PCDHGA8: variants seen among roughly 807,000 people sequenced by gnomAD.
The protein encoded by PCDHGA8 is protocadherin gamma-A8.
In PCDHGA8, 45 loss-of-function variants were observed where a neutral mutation model predicts 59.2. The ratio of observed to expected loss-of-function variants is 0.76; its 90% CI spans 0.60 to 0.98. The LOEUF (loss-of-function observed/expected upper bound fraction) is 0.98, where lower values mean the gene tolerates loss of function less well. PCDHGA8 is among the 50% of genes least tolerant of loss of function. The pLI is 0.00. For missense variants in PCDHGA8, 1,257 were observed against 1,196.2 expected, an observed-to-expected ratio of 1.05 and a Z score of -0.75; for synonymous variants, 531 against 519.0, an observed-to-expected ratio of 1.02 and a Z score of -0.32.
Position 141,409,086 on chromosome 5 carries a change from A to G in PCDHGA8, c.2424+13849A>G, listed in dbSNP as rs1019017199. 6.8e-6 allele frequency: 11 copies of G among 1,613,904 alleles called. No homozygotes were observed. Among genetic ancestry groups the G allele is most frequent in the African/African-American group, 5.3e-5 (4 of 74,932 alleles). On this transcript the variant is annotated intron_variant, in intron 1 of 3. Transcript: ENST00000398604. ...AGCACAAAACATATGTTCTCATTGG[A>G]TGAGAAAACAGGTATGATTAAGAAT... is the stretch of plus-strand genomic sequence containing the variant.
chr5:141,423,877 C>A, intron 1 of PCDHGA8: 1 of 1,283,890 alleles, frequency 7.8e-7, no homozygotes, highest in Non-Finnish European at 9.9e-7. Flanking sequence ...ATTTTTCAAT[C>A]TTGGCATATT....
intron 1 of PCDHGA8, among the ~76,000 whole-genome samples, chr5:141,460,983 G>GTA (rs59296681): frequency 9.4e-4 from 130 of 137,840 alleles, no homozygotes; most frequent in Middle Eastern, 3.8e-3. Context: ...GTGTGTGTGT[G>GTA]TATATATATA....
chr5:141,457,159 T>C (rs908257499), intron 1 of PCDHGA8, among the ~76,000 whole-genome samples: 5 of 152,212 alleles, frequency 3.3e-5, no homozygotes, highest in Non-Finnish European at 7.3e-5. Flanking sequence ...GGTGCTACCA[T>C]GGATAACCCT....
At position 141,409,702 on chromosome 5, in the gene PCDHGA8, G is replaced by T. The variant is rs545411022; in HGVS notation, c.2424+14465G>T. The T allele has an allele frequency of 1.9e-6, 3 of 1,613,226 alleles. No individual in the cohort carries two copies. The East Asian group carries it at 6.7e-5, about 36-fold the overall frequency. ...TGGCGAGTGACCTAGAGCCCCTGGC[G>T]GTGTCGTCATACGTGTCAGTGAGCG... On this transcript the variant is annotated intron_variant, in intron 1 of 3. Coordinates refer to ENST00000398604, the MANE Select transcript of PCDHGA8 (RefSeq NM_032088.2).
chr5:141,417,785 A>C (rs1273908599), intron 1 of PCDHGA8: 22 of 1,476,018 alleles, frequency 1.5e-5, no homozygotes, highest in Non-Finnish European at 1.7e-5. Context: ...TCCTGGGCCG[A>C]ATGCTCTTTT....
In PCDHGA8 at chr5:141,487,414, T is replaced by C; in HGVS notation, c.2425-7393T>C. On this transcript the variant is annotated intron_variant, in intron 1 of 3. Coordinates refer to ENST00000398604, the MANE Select transcript of PCDHGA8 (RefSeq NM_032088.2). This position sits in a 1 kb window ranked among gnomAD's most constrained non-coding sequence, Gnocchi z 5.0. The stretch of plus-strand genomic sequence containing the variant: ...GGAGGGAGGGGCTTCCCCCTTCCAA[T>C]GGGATCCTCCGAATCCAGCTAGGGT... 3.7e-6 allele frequency: 6 copies of C among 1,614,174 alleles called. No individual in the cohort carries two copies. The highest frequency in any genetic ancestry group is 5.1e-6 in the Non-Finnish European group (6 of 1,180,006).
In PCDHGA8 at chr5:141,477,229, C is replaced by G. The variant is rs1376731101; in HGVS notation, c.2425-17578C>G. The G allele has an allele frequency of 6.2e-7, 1 of 1,614,222 alleles. No homozygotes were observed. The highest frequency in any genetic ancestry group is 8.5e-7 in the Non-Finnish European group (1 of 1,180,052). On this transcript the variant is annotated intron_variant, in intron 1 of 3. Transcript: ENST00000398604. This position sits in a 1 kb window ranked among gnomAD's most constrained non-coding sequence, Gnocchi z 4.9. ...AGGATGCCCCTCTGGGGACTGTCAT[C>G]GCTTTGCTCAGTGTGACTGACCTGG...
chr5:141,431,227 C>A lies in PCDHGA8; in HGVS notation c.2424+35990C>A, dbSNP rs759752051. On this transcript the variant is annotated intron_variant, in intron 1 of 3. Transcript: ENST00000398604. This position sits in a 1 kb window ranked among gnomAD's most constrained non-coding sequence, Gnocchi z 4.8. Reference sequence around the variant, plus strand: ...CTGAGATGCGGTTCCCTCTACCCCACGCCTGGGATCCGGATATCGGGAAGA... The same window carrying A: ...CTGAGATGCGGTTCCCTCTACCCCAAGCCTGGGATCCGGATATCGGGAAGA... 6.2e-7 allele frequency: 1 copy of A among 1,614,180 alleles called. No homozygotes were observed. The highest frequency in any genetic ancestry group is 8.5e-7 in the Non-Finnish European group (1 of 1,180,042).
intron 1 of PCDHGA8, chr5:141,399,694 A>G (rs1467163302): frequency 1.9e-6 from 3 of 1,613,454 alleles, no homozygotes; most frequent in Admixed American, 1.7e-5. Flanking sequence ...GCAGCTGCGC[A>G]CCTTCGAACT....
chr5:141,415,404 C>A lies in PCDHGA8; in HGVS notation c.2424+20167C>A, dbSNP rs199662613. On this transcript the variant is annotated intron_variant, in intron 1 of 3. Transcript: ENST00000398604. ...GCTTGACAGGTGTGTCCGGCTCGCA[C>A]TTTGTGGGCGTGGACGGGGTTCGGG... The A allele has an allele frequency of 2.2e-4, 363 of 1,614,238 alleles. 1 individual carries two copies. Among genetic ancestry groups the A allele is most frequent in the Non-Finnish European group, 6.8e-6 (8 of 1,180,048 alleles).
chr5:141,398,125 G>C (rs1353004584), intron 1 of PCDHGA8: 1 of 1,586,808 alleles, frequency 6.3e-7, no homozygotes. Flanking sequence ...GAGAGCAAGA[G>C]GGATGGGGAG....
At chr5:141,410,676 T>G in intron 1 of PCDHGA8, 1 of 1,550,692 alleles carries the variant, frequency 6.4e-7, no homozygotes, top group African/African-American at 1.4e-5. Flanking sequence ...TTTCTCATAT[T>G]TTAGGCATAC....
In PCDHGA8 at chr5:141,393,708, G is replaced by A; in HGVS notation, c.895G>A (p.Gly299Arg). 2 of 1,613,788 alleles carry A rather than the reference G, an allele frequency of 1.2e-6. No individual in the cohort carries two copies. Among genetic ancestry groups the A allele is most frequent in the South Asian group, 1.1e-5 (1 of 91,074 alleles). Residue 299 changes from glycine to arginine, a missense_variant, in exon 1 of 4, where the codon GGG (glycine) becomes AGG (arginine). Physicochemically the swap from Gly to Arg is moderately radical, Grantham distance 125. Transcript: ENST00000398604. ...TPLFQLNENT[G>R]EISIAKSLDY... ...GTTATTCCAGCTTAATGAAAATACTGGGGAAATATCAATAGCAAAAAGTCT... is the reference window on the plus strand; with the variant it reads ...GTTATTCCAGCTTAATGAAAATACTAGGGAAATATCAATAGCAAAAAGTCT...
rs2095763034 is a variant in PCDHGA8, at chr5:141,414,586, A to G, written c.2424+19349A>G. 1.2e-6 allele frequency: 2 copies of G among 1,613,964 alleles called. No individual in the cohort carries two copies. The highest frequency in any genetic ancestry group is 8.5e-7 in the Non-Finnish European group (1 of 1,179,880). On this transcript the variant is annotated intron_variant, in intron 1 of 3. Transcript: ENST00000398604. ...TACCTATATCCCAGAGAACAACGCC[A>G]GGGGTGCCTCCATCTTCTCAGTGAC...
chr5:141,408,112 C>T, intron 1 of PCDHGA8: 1 of 1,460,448 alleles, frequency 6.8e-7, no homozygotes, highest in African/African-American at 1.4e-5. Flanking sequence ...CCCGGGACTC[C>T]TCCTGTCCTG....
chr5:141,400,727 G>A (rs2094067426), intron 1 of PCDHGA8: 2 of 649,836 alleles, frequency 3.1e-6, no homozygotes, highest in African/African-American at 1.8e-5. Flanking sequence ...GATTTACAAA[G>A]TAGTGAGAGT....
In PCDHGA8 at chr5:141,405,345, A is replaced by G. The variant is rs758657243; in HGVS notation, c.2424+10108A>G. 3 of 1,613,944 alleles carry G rather than the reference A, an allele frequency of 1.9e-6. No homozygotes were observed. In the South Asian group the frequency reaches 3.3e-5, roughly 18 times the overall value. On this transcript the variant is annotated intron_variant, in intron 1 of 3. Coordinates refer to ENST00000398604, the MANE Select transcript of PCDHGA8 (RefSeq NM_032088.2). ...CCTTTGTGCGTCTCTGTTGATTCCA[A>G]GTTTCCTATAGAAGACACCCCTTTG...
At chr5:141,499,331 TCA>T (rs2099791249) in intron 2 of PCDHGA8, among the ~76,000 whole-genome samples, 1 of 152,220 alleles carries the variant, frequency 6.6e-6, no homozygotes, top group African/African-American at 2.4e-5. Context: ...CTGCTCTCTC[TCA>T]GTTTGGGCAG....
Position 141,490,888 on chromosome 5 carries a change from C to G in PCDHGA8, c.2425-3919C>G. The G allele has an allele frequency of 1.2e-6, 2 of 1,613,358 alleles. No individual in the cohort carries two copies. The highest frequency in any genetic ancestry group is 1.7e-6 in the Non-Finnish European group (2 of 1,179,390). On this transcript the variant is annotated intron_variant, in intron 1 of 3. Transcript: ENST00000398604. This position sits in a 1 kb window ranked among gnomAD's most constrained non-coding sequence, Gnocchi z 5.4. Reference sequence around the variant, plus strand: ...TCCCCCATTGCATGCCAACACATCTCTGCATGTGTTTGTCCTAGACGAGAA... The same window carrying G: ...TCCCCCATTGCATGCCAACACATCTGTGCATGTGTTTGTCCTAGACGAGAA...
Sources: allele counts gnomAD v4.1 joint callset (sites outside exome capture counted in the v4.1 genomes callset), GRCh38; gene constraint gnomAD v4.1.1; non-coding constraint Gnocchi (gnomAD v3.1); transcripts MANE v1.5; gene names NCBI Gene and HGNC (gene_info 2026-07-23, HGNC 2026-07-21).